The following CLIP2 variants were observed in gnomAD, a reference collection of about 807,000 sequenced individuals.
CLIP2 encodes the protein CAP-Gly domain-containing linker protein 2.
In CLIP2, 41 loss-of-function variants were observed where a neutral mutation model predicts 111.7. The ratio of observed to expected loss-of-function variants is 0.37; its 90% confidence interval spans 0.29 to 0.48. CLIP2 has a LOEUF of 0.48. CLIP2 is among the 20% of genes least tolerant of loss of function. The pLI is 0.99. For missense variants in CLIP2, 1,160 were observed against 1,422.1 expected (o/e 0.82, Z 2.96); for synonymous variants, 660 against 644.2 (o/e 1.02, Z -0.37).
chr7:74,403,742 C>T (rs1244733838), intron 16 of CLIP2, 95 bp from the exon 17 acceptor site: 43 of 1,304,126 alleles, frequency 3.3e-5, no homozygotes, highest in East Asian at 2.5e-4. Context: ...CTCCCCCACC[C>T]GGCCCCAACT....
chr7:74,316,748 C>T (rs1431852140), intron 1 of CLIP2, among the ~76,000 whole-genome samples: 1 of 151,996 alleles, frequency 6.6e-6, no homozygotes, highest in African/African-American at 2.4e-5. Flanking sequence ...TTTTAGTAGA[C>T]ACAGGGTTTC....
intron 2 of CLIP2, among the ~76,000 whole-genome samples, chr7:74,324,059 G>A (rs1313097063): frequency 6.6e-6 from 1 of 151,980 alleles, no homozygotes; most frequent in Non-Finnish European, 1.5e-5. Context: ...GAGTGCAGTG[G>A]CACGATCTCT....
rs1554732747 is a variant in CLIP2 at position 74,338,863 on chromosome 7, G to A, written c.537G>A (p.Pro179=). 7 of 1,608,496 alleles carry A rather than the reference G, an allele frequency of 4.4e-6. No homozygotes were observed. Among genetic ancestry groups the A allele is most frequent in the South Asian group, 1.1e-5 (1 of 91,088 alleles). ...LSLHSGTATP[P]LTSRVIPLRE... is the part of the protein sequence containing the mutation. ...TGCATTCGGGCACGGCCACGCCCCC[G>A]CTGACCAGCCGCGTCATCCCCCTGC... is the stretch of plus-strand genomic sequence containing the variant. The change falls in exon 3 of 17, where the codon CCG becomes CCA. Residue 179 remains proline, a synonymous_variant. Coordinates refer to ENST00000223398, the MANE Select transcript of CLIP2 (RefSeq NM_003388.5). The surrounding 1 kb of genome is among the most constrained non-coding windows in gnomAD (Gnocchi z 4.3).
At chr7:74,375,357 T>G (rs1790744010) in intron 9 of CLIP2, among the ~76,000 whole-genome samples, 1 of 151,598 alleles carries the variant, frequency 6.6e-6, no homozygotes, top group Admixed American at 6.6e-5. Context: ...GAGACCAGCC[T>G]AGGCAAAAGA....
intron 12 of CLIP2, among the ~76,000 whole-genome samples, chr7:74,386,821 G>T (rs1448126323): frequency 6.6e-6 from 1 of 152,016 alleles, no homozygotes; most frequent in Non-Finnish European, 1.5e-5. Flanking sequence ...TCAGGAGTTC[G>T]AGACCAGCCT....
chr7:74,401,511 G>T lies in CLIP2; in HGVS notation c.3073G>T (p.Gly1025Cys). 1 of 1,614,006 alleles carries T rather than the reference G, an allele frequency of 6.2e-7. No individual in the cohort carries two copies. The highest frequency in any genetic ancestry group is 8.5e-7 in the Non-Finnish European group (1 of 1,179,972). The change falls in exon 16 of 17, where the codon GGC becomes TGC. Residue 1025 changes from glycine (G) to cysteine (C), a missense_variant. By Grantham distance (159) the Gly-to-Cys change is radical. Coordinates refer to ENST00000223398, the MANE Select transcript of CLIP2 (RefSeq NM_003388.5). Reference sequence around the variant, plus strand: ...TCTCCCCTAACTCTTCCAGACCATCGGCAATTCCGGTTCTGCAAACGGCAT... The same window carrying T: ...TCTCCCCTAACTCTTCCAGACCATCTGCAATTCCGGTTCTGCAAACGGCAT... ...RSCPDKAQTI[G>C]NSGSANGIHQ...
chr7:74,295,989 CAAAAA>C (rs368834820), intron 1 of CLIP2, among the ~76,000 whole-genome samples: 5 of 70,984 alleles, frequency 7.0e-5, no homozygotes, highest in Admixed American at 1.6e-4. Flanking sequence ...ACCCTGTCTC[CAAAAA>C]AAAAAAAAAA....
rs1554732769 is a variant in CLIP2 at position 74,338,873 on chromosome 7, C to T, written c.547C>T (p.Arg183Cys). 7 of 1,607,664 alleles carry T rather than the reference C, an allele frequency of 4.4e-6. No individual in the cohort carries two copies. Among genetic ancestry groups the T allele is most frequent in the African/African-American group, 2.7e-5 (2 of 74,948 alleles). ...CACGGCCACGCCCCCGCTGACCAGC[C>T]GCGTCATCCCCCTGCGGGAGAGCGT... ...SGTATPPLTS[R>C]VIPLRESVLN... Residue 183 changes from arginine (R) to cysteine (C), a missense_variant, in exon 3 of 17, where the codon CGC (arginine) becomes TGC (cysteine). Around this residue, in one of 5 missense-constraint regions of CLIP2, gnomAD observed 301 missense variants for 315.2 expected, o/e 0.96. Coordinates refer to ENST00000223398, the MANE Select transcript of CLIP2 (RefSeq NM_003388.5). The surrounding 1 kb of genome is among the most constrained non-coding windows in gnomAD (Gnocchi z 4.3).
chr7:74,401,447 G>GAA, intron 15 of CLIP2, 58 bp from the exon 16 acceptor site: 1 of 1,558,638 alleles, frequency 6.4e-7, no homozygotes, highest in Non-Finnish European at 8.8e-7. Flanking sequence ...CATCTAGTGG[G>GAA]AAAATCGGGA....
chr7:74,309,066 G>A (rs532888109), intron 1 of CLIP2, among the ~76,000 whole-genome samples: 11 of 151,694 alleles, frequency 7.3e-5, no homozygotes, highest in Non-Finnish European at 1.5e-4. Flanking sequence ...ATAGATTTTC[G>A]CCATGTTGCC....
In CLIP2 at chr7:74,384,399, T is replaced by C. The variant is rs1240841354; in HGVS notation, c.2480-2122T>C. On this transcript the variant is annotated intron_variant, in intron 11 of 16. Coordinates refer to ENST00000223398, the MANE Select transcript of CLIP2 (RefSeq NM_003388.5). ...CTTGTTAAGTACCTGTTTTCAGTGC[T>C]TTGGGGTATATACCTAGAAGAGTAG... Among the ~76,000 whole-genome samples, 5 of 152,026 alleles carry C rather than the reference T, an allele frequency of 3.3e-5. No homozygotes were observed. In the South Asian group the frequency reaches 1.0e-3, roughly 32 times the overall value.
intron 1 of CLIP2, among the ~76,000 whole-genome samples, chr7:74,290,655 G>A (rs1304431418): frequency 6.6e-6 from 1 of 152,218 alleles, no homozygotes; most frequent in African/African-American, 2.4e-5. Context: ...GAGGGGGTCT[G>A]CCGTCACTCT....
intron 2 of CLIP2, among the ~76,000 whole-genome samples, chr7:74,319,815 T>TA (rs1378128915): frequency 3.4e-5 from 3 of 88,098 alleles, no homozygotes; most frequent in East Asian, 3.1e-4. Context: ...AGTGAGACCC[T>TA]AAAAAAAAAA....
intron 13 of CLIP2, among the ~76,000 whole-genome samples, chr7:74,396,099 G>A (rs1219847846): frequency 1.3e-5 from 2 of 152,206 alleles, no homozygotes; most frequent in African/African-American, 4.8e-5. Context: ...AGGGGTGCAT[G>A]TGCTCCTGCC....
Position 74,373,043 on chromosome 7 carries a change from G to A in CLIP2, c.1485+7G>A, listed in dbSNP as rs782030543. 9 of 1,554,778 alleles carry A rather than the reference G, an allele frequency of 5.8e-6. No individual in the cohort carries two copies. Among genetic ancestry groups the A allele is most frequent in the South Asian group, 4.7e-5 (4 of 84,970 alleles). ...AGAATTAGCGGACAACAGGGTAACC[G>A]CGCCACCGCACCCGCCTGGCCCGCC... On this transcript the variant is annotated splice_region_variant and intron_variant, in intron 9 of 16. Coordinates refer to ENST00000223398, the MANE Select transcript of CLIP2 (RefSeq NM_003388.5).
intron 1 of CLIP2, among the ~76,000 whole-genome samples, chr7:74,305,855 A>ACCC (rs1478628381): frequency 1.1e-3 from 56 of 52,236 alleles, no homozygotes; most frequent in South Asian, 2.3e-3. Context: ...CTGCACCCCA[A>ACCC]CCCCCCCCCA....
In CLIP2 at chr7:74,303,879, T is replaced by C. The variant is rs145345920; in HGVS notation, c.-67-13601T>C. On this transcript the variant is annotated intron_variant, in intron 1 of 16. Coordinates refer to ENST00000223398, the MANE Select transcript of CLIP2 (RefSeq NM_003388.5). ...GTGAGCTGAGATCGTGCCACTGCAC[T>C]CCAGAATGGGTGACAGAGTGAGACT... Among the ~76,000 whole-genome samples, 266 of 139,846 alleles carry C rather than the reference T, an allele frequency of 1.9e-3. 1 individual carries two copies. The highest frequency in any genetic ancestry group is 3.6e-3 in the African/African-American group (136 of 37,342). 91.7% of individuals were successfully genotyped at this position (139,846 alleles called of 152,430 possible). A position where few individuals can be genotyped will look rare whatever the true frequency, so the allele number is the denominator to read the frequency against.
chr7:74,380,519 T>C (rs1790913230), intron 10 of CLIP2: 1 of 249,930 alleles, frequency 4.0e-6, no homozygotes. Context: ...GCCATCTGTT[T>C]AATATAATAA....
intron 3 of CLIP2, among the ~76,000 whole-genome samples, chr7:74,340,093 CAATAAT>C (rs374889797): frequency 2.7e-5 from 4 of 150,630 alleles, no homozygotes; most frequent in Non-Finnish European, 5.9e-5. Context: ...GACCCTGTTT[CAATAAT>C]AATAATAATA....
Sources: gnomAD v4.1 joint callset for allele counts (sites outside exome capture counted in the v4.1 genomes callset) on GRCh38, gnomAD v4.1.1 for gene constraint, gnomAD v4.1.1 regional missense constraint, Gnocchi (gnomAD v3.1) non-coding constraint, MANE v1.5 for transcripts, NCBI Gene and HGNC (gene_info 2026-07-23, HGNC 2026-07-21) for gene names.